The following FBXO42 variants were observed in gnomAD, a reference collection of about 807,000 sequenced individuals.
FBXO42 encodes F-box protein 42, also known as F-box only protein 42.
Under a neutral mutation model 71.7 loss-of-function variants are expected in FBXO42, and 12 were observed. The ratio of observed to expected loss-of-function variants is 0.17; its 90% CI spans 0.11 to 0.27. The LOEUF is 0.27. FBXO42 is among the 10% of genes least tolerant of loss of function. FBXO42 has a pLI of 1.00. For missense variants in FBXO42, 707 were observed against 911.9 expected (o/e 0.78, Z 2.89); for synonymous variants, 325 against 327.5 (o/e 0.99, Z 0.08).
intron 1 of FBXO42, among the ~76,000 whole-genome samples, chr1:16,335,716 C>T (rs1213606040): frequency 2.0e-5 from 3 of 151,330 alleles, no homozygotes; most frequent in Admixed American, 6.6e-5. Flanking sequence ...AAATACAAAA[C>T]ATTAGCTGGG....
intron 3 of FBXO42, among the ~76,000 whole-genome samples, chr1:16,296,934 AC>A (rs1223134427): frequency 1.7e-5 from 1 of 59,324 alleles, no homozygotes; most frequent in Non-Finnish European, 3.5e-5. Flanking sequence ...CGCACCCCCC[AC>A]CCCCCGCTTT....
chr1:16,253,051 C>G, intron 8 of FBXO42, 45 bp downstream of exon 8: 1 of 1,560,282 alleles, frequency 6.4e-7, no homozygotes, highest in East Asian at 2.3e-5. Context: ...AGGTTTTGAA[C>G]ACTTAGTAGC....
chr1:16,263,909 C>G (rs1326396772), intron 4 of FBXO42, among the ~76,000 whole-genome samples: 1 of 148,562 alleles, frequency 6.7e-6, no homozygotes, highest in Non-Finnish European at 1.5e-5. Flanking sequence ...CTCCCAGGTT[C>G]AAGCGATTCT....
chr1:16,251,285 A>G lies in FBXO42; in HGVS notation c.1539T>C (p.Asn513=). ...NWDLKPASSS[N]PMDGMDNRTV... is the part of the protein sequence containing the mutation. ...TCCTATTGTCCATGCCATCCATGGG[A>G]TTACTACTGGAAGCGGGTTTCAGAT... Residue 513 remains asparagine, a synonymous_variant, in exon 10 of 10, where the codon AAT becomes AAC. Transcript: ENST00000375592. The surrounding 1 kb of genome is among the most constrained non-coding windows in gnomAD (Gnocchi z 4.5). 1 of 1,614,180 alleles carries G rather than the reference A, an allele frequency of 6.2e-7. No homozygotes were observed. Among genetic ancestry groups the G allele is most frequent in the Non-Finnish European group, 8.5e-7 (1 of 1,180,024 alleles).
At chr1:16,272,554 C>T (rs141490241) in intron 4 of FBXO42, among the ~76,000 whole-genome samples, 7 of 152,094 alleles carry the variant, frequency 4.6e-5, no homozygotes, top group African/African-American at 1.7e-4. Context: ...CCACCGTGCC[C>T]GGTGGGTCAC....
Position 16,298,894 on chromosome 1 carries a change from A to G in FBXO42, c.368-3977T>C, listed in dbSNP as rs974589430. Among the ~76,000 whole-genome samples, 5 of 152,174 alleles carry G rather than the reference A, an allele frequency of 3.3e-5. No individual in the cohort carries two copies. In the South Asian group the frequency reaches 1.0e-3, roughly 32 times the overall value. On this transcript the variant is annotated intron_variant, in intron 3 of 9. Coordinates refer to ENST00000375592, the MANE Select transcript of FBXO42 (RefSeq NM_018994.3). The stretch of plus-strand genomic sequence containing the variant: ...AAATCCATGATTTCATAACTAAAAG[A>G]GTCAAGGGTTTGTTACGTCTCCCAG...
rs1189173036 is a variant in FBXO42 at position 16,352,408 on chromosome 1, C to G, written c.-171G>C. The stretch of plus-strand genomic sequence containing the variant: ...TGGCGGGACCCCGAGCCGCCCGGAG[C>G]CGCCATCTTCCTCCACTCAAACGCC... On this transcript the variant is annotated 5_prime_UTR_variant, in exon 1 of 10. Coordinates refer to ENST00000375592, the MANE Select transcript of FBXO42 (RefSeq NM_018994.3). 5.0e-6 allele frequency: 2 copies of G among 399,310 alleles called. No individual in the cohort carries two copies. Among genetic ancestry groups the G allele is most frequent in the Admixed American group, 4.4e-5 (1 of 22,608 alleles). 24.7% of individuals were successfully genotyped at this position (399,310 alleles called of 1,614,324 possible). A position where few individuals can be genotyped will look rare whatever the true frequency, so the allele number is the denominator to read the frequency against.
At chr1:16,281,471 T>G (rs1557582464) in intron 4 of FBXO42, among the ~76,000 whole-genome samples, 1 of 146,918 alleles carries the variant, frequency 6.8e-6, no homozygotes, top group Non-Finnish European at 1.5e-5. Context: ...TTTCTTTTTT[T>G]GTTTTTTTTT....
chr1:16,345,507 T>C (rs753718353), intron 1 of FBXO42, among the ~76,000 whole-genome samples: 1 of 151,696 alleles, frequency 6.6e-6, no homozygotes, highest in Non-Finnish European at 1.5e-5. Context: ...CCTGTAGCAA[T>C]GAGCATCCCT....
At chr1:16,325,790 T>A (rs1320969937) in intron 1 of FBXO42, among the ~76,000 whole-genome samples, 2 of 151,962 alleles carry the variant, frequency 1.3e-5, no homozygotes, top group African/African-American at 4.8e-5. Flanking sequence ...CACGCCCAAC[T>A]AATTTTTGTA....
chr1:16,350,225 T>C (rs2082686621), intron 1 of FBXO42, among the ~76,000 whole-genome samples: 1 of 152,118 alleles, frequency 6.6e-6, no homozygotes, highest in Non-Finnish European at 1.5e-5. Flanking sequence ...GTTGCATCAA[T>C]ACCTGATGAT....
At chr1:16,273,735 C>T (rs760265441) in intron 4 of FBXO42, among the ~76,000 whole-genome samples, 2 of 151,816 alleles carry the variant, frequency 1.3e-5, no homozygotes, top group African/African-American at 2.4e-5. Flanking sequence ...AAAAATTAAC[C>T]GGGTGTGGTG....
At chr1:16,280,456 G>A (rs1413046827) in intron 4 of FBXO42, among the ~76,000 whole-genome samples, 1 of 152,162 alleles carries the variant, frequency 6.6e-6, no homozygotes, top group Non-Finnish European at 1.5e-5. Flanking sequence ...AATAGTGTAT[G>A]CATTTTAGTT....
intron 2 of FBXO42, 146 bp downstream of exon 2, chr1:16,315,023 T>A: frequency 1.3e-6 from 1 of 792,848 alleles, no homozygotes; most frequent in Non-Finnish European, 1.9e-6. Flanking sequence ...CTAACCAGGG[T>A]AAGAAAGAAA....
At chr1:16,311,503 A>ATATATATATATAT (rs1274920904) in intron 2 of FBXO42, among the ~76,000 whole-genome samples, 1 of 65,560 alleles carries the variant, frequency 1.5e-5, no homozygotes, top group Non-Finnish European at 3.0e-5. Context: ...AAAAAAAAAA[A>ATATATATATATAT]ATATATATAT....
At chr1:16,257,494 A>C (rs567231868) in intron 4 of FBXO42, among the ~76,000 whole-genome samples, 7 of 152,296 alleles carry the variant, frequency 4.6e-5, no homozygotes, top group Admixed American at 2.0e-4. Context: ...CTGAAAAAAA[A>C]CACTTTGGCT....
chr1:16,306,012 A>G, intron 2 of FBXO42, 93 bp from the exon 3 acceptor site: 1 of 942,770 alleles, frequency 1.1e-6, no homozygotes, highest in Non-Finnish European at 1.7e-6. Context: ...TATCATTTTT[A>G]TACAAGTTTC....
At chr1:16,266,485 T>C (rs2081775116) in intron 4 of FBXO42, among the ~76,000 whole-genome samples, 1 of 152,140 alleles carries the variant, frequency 6.6e-6, no homozygotes, top group East Asian at 1.9e-4. Context: ...GGGTCCAATA[T>C]AAAGCATTCA....
Position 16,282,121 on chromosome 1 carries a change from T to C in FBXO42, c.502+12662A>G, listed in dbSNP as rs548456064. ...CTCACCTAATTTACTGTAATAACAC[T>C]GAGAGAGCTCACATATTATACAGTA... On this transcript the variant is annotated intron_variant, in intron 4 of 9. Transcript: ENST00000375592. Among the ~76,000 whole-genome samples the C allele has an allele frequency of 4.0e-5, 6 of 150,824 alleles. No homozygotes were observed. In the South Asian group the frequency reaches 1.2e-3, roughly 31 times the overall value.
Sources: gnomAD v4.1 joint callset for allele counts (sites outside exome capture counted in the v4.1 genomes callset) on GRCh38, gnomAD v4.1.1 for gene constraint, Gnocchi (gnomAD v3.1) non-coding constraint, MANE v1.5 for transcripts, NCBI Gene and HGNC (gene_info 2026-07-23, HGNC 2026-07-21) for gene names.